Variants in TMOD1 observed in about 807,000 individuals in gnomAD.
TMOD1 encodes the protein tropomodulin 1, also known as tropomodulin-1.
Under a neutral mutation model 40.6 loss-of-function variants are expected in TMOD1, and 17 were observed. The observed-to-expected ratio is 0.42, with a 90% CI of 0.29 to 0.63. TMOD1 has a LOEUF of 0.63. Among genes scored for constraint, TMOD1 ranks in the 20% least tolerant of loss-of-function variants. TMOD1 has a pLI of 0.22. For missense variants in TMOD1, 391 were observed against 447.6 expected (o/e 0.87, Z 1.14); for synonymous variants, 181 against 175.0 (o/e 1.03, Z -0.27).
At chr9:97,539,467 ATT>A (rs1830241915) in intron 2 of TMOD1, among the ~76,000 whole-genome samples, 1 of 152,164 alleles carries the variant, frequency 6.6e-6, no homozygotes, top group Non-Finnish European at 1.5e-5. Context: ...ACCATTTGAA[ATT>A]TGGCCAGCTC....
chr9:97,552,665 C>T lies in TMOD1; in HGVS notation c.278-616C>T, dbSNP rs77479698. Reference sequence around the variant, plus strand: ...TCACACAACATTTGTCCTAGGCATTCTCCTTCTTAGTAAGTAGCAATTGCC... The same window carrying T: ...TCACACAACATTTGTCCTAGGCATTTTCCTTCTTAGTAAGTAGCAATTGCC... On this transcript the variant is annotated intron_variant, in intron 3 of 9. Transcript: ENST00000259365. 5.3e-3 allele frequency among the ~76,000 whole-genome samples: 807 copies of T among 152,324 alleles called. 7 individuals are homozygous for T. The highest frequency in any genetic ancestry group is 0.017 in the African/African-American group (695 of 41,574).
At chr9:97,562,196 T>C (rs1462054238) in intron 4 of TMOD1, among the ~76,000 whole-genome samples, 2 of 152,138 alleles carry the variant, frequency 1.3e-5, no homozygotes, top group Non-Finnish European at 2.9e-5. Flanking sequence ...TGCTTTGTGC[T>C]GCATGCTGGG....
chr9:97,511,546 G>T (rs1302001836), intron 1 of TMOD1, among the ~76,000 whole-genome samples: 1 of 152,112 alleles, frequency 6.6e-6, no homozygotes, highest in Non-Finnish European at 1.5e-5. Context: ...ACTACTTCCC[G>T]GCTTAGCCCA....
Position 97,601,153 on chromosome 9 carries a change from A to G in TMOD1, c.*1455A>G, listed in dbSNP as rs537250805. 3 of 1,302,778 alleles carry G rather than the reference A, an allele frequency of 2.3e-6. No individual in the cohort carries two copies. The Admixed American group carries it at 7.0e-5, about 30-fold the overall frequency. The allele number at this position is 1,302,778 out of a possible 1,614,324, so 80.7% of individuals were successfully genotyped here. ...TGGCCCAGGAGTGGCACCATGTTGC[A>G]GGGACAACCATCCCCATTTGGCTTC... On this transcript the variant is annotated 3_prime_UTR_variant, in exon 10 of 10. Coordinates refer to ENST00000259365, the MANE Select transcript of TMOD1 (RefSeq NM_003275.4).
chr9:97,514,300 T>C (rs547609369), intron 1 of TMOD1, among the ~76,000 whole-genome samples: 1 of 148,212 alleles, frequency 6.7e-6, no homozygotes, highest in African/African-American at 2.5e-5. Flanking sequence ...GTATTTTTAG[T>C]AATGACAGGG....
intron 3 of TMOD1, among the ~76,000 whole-genome samples, chr9:97,552,537 C>T: frequency 6.6e-6 from 1 of 152,204 alleles, no homozygotes; most frequent in East Asian, 1.9e-4. Flanking sequence ...GTGCCTGGCA[C>T]ATAGGAAGCA....
At chr9:97,573,184 G>A (rs1167645278) in intron 8 of TMOD1, among the ~76,000 whole-genome samples, 1 of 152,186 alleles carries the variant, frequency 6.6e-6, no homozygotes, top group African/African-American at 2.4e-5. Context: ...CTCCACACAC[G>A]GCTTCTGTGC....
chr9:97,507,772 G>C (rs1564225809), intron 1 of TMOD1, among the ~76,000 whole-genome samples: 1 of 152,108 alleles, frequency 6.6e-6, no homozygotes, highest in Non-Finnish European at 1.5e-5. Context: ...CAAGGGGAAA[G>C]GGGGGGACAA....
chr9:97,595,568 A>C (rs1270906522), intron 9 of TMOD1, among the ~76,000 whole-genome samples: 1 of 148,342 alleles, frequency 6.7e-6, no homozygotes, highest in Non-Finnish European at 1.5e-5. Flanking sequence ...AAAAGGCTGA[A>C]TCGTACTCCA....
intron 4 of TMOD1, among the ~76,000 whole-genome samples, chr9:97,556,109 T>C (rs576637780): frequency 1.4e-5 from 2 of 140,208 alleles, no homozygotes; most frequent in East Asian, 2.2e-4. Context: ...GAGGAGGGGG[T>C]GTTCTGGAGG....
At position 97,534,502 on chromosome 9, in the gene TMOD1, C is replaced by T. The variant is rs958054279; in HGVS notation, c.120+10194C>T. 3.3e-5 allele frequency among the ~76,000 whole-genome samples: 5 copies of T among 152,228 alleles called. No homozygotes were observed. In the South Asian group the frequency reaches 1.0e-3, roughly 31 times the overall value. On this transcript the variant is annotated intron_variant, in intron 2 of 9. Transcript: ENST00000259365. The stretch of plus-strand genomic sequence containing the variant: ...GACATCTTTCATAATATGTCCCTCT[C>T]CCCAAAACCCAATTGGGGACAGCAG...
chr9:97,568,819 A>T, intron 7 of TMOD1, 75 bp from the exon 8 acceptor site: 1 of 1,561,086 alleles, frequency 6.4e-7, no homozygotes, highest in Non-Finnish European at 8.8e-7. Flanking sequence ...TAGGTGTCTT[A>T]GGATCTACCC....
intron 2 of TMOD1, among the ~76,000 whole-genome samples, chr9:97,540,532 C>T (rs1255767745): frequency 6.6e-6 from 1 of 152,212 alleles, no homozygotes; most frequent in Non-Finnish European, 1.5e-5. Context: ...GTTGGAGGCA[C>T]ACATTCCAGT....
chr9:97,561,263 G>T (rs957452910), intron 4 of TMOD1, among the ~76,000 whole-genome samples: 2 of 152,158 alleles, frequency 1.3e-5, no homozygotes, highest in Admixed American at 1.3e-4. Context: ...AAAGACACCC[G>T]AACTCCTTAC....
In TMOD1 at chr9:97,555,291, G is replaced by T. The variant is rs62560476; in HGVS notation, c.397+1891G>T. 7 of 967,984 alleles carry T rather than the reference G, an allele frequency of 7.2e-6. No homozygotes were observed. In the South Asian group the frequency reaches 2.1e-4, roughly 29 times the overall value. The allele number at this position is 967,984 out of a possible 1,614,324, so 60.0% of individuals were successfully genotyped here. On this transcript the variant is annotated intron_variant, in intron 4 of 9. Transcript: ENST00000259365. ...GGTTAATCTGTGAGGCAGGGAGGTGGCTGATGCCTTGGTGCGGCATCTCCA... is the reference window on the plus strand; with the variant it reads ...GGTTAATCTGTGAGGCAGGGAGGTGTCTGATGCCTTGGTGCGGCATCTCCA...
intron 7 of TMOD1, 36 bp downstream of exon 7, chr9:97,565,991 G>C: frequency 6.3e-7 from 1 of 1,583,398 alleles, no homozygotes; most frequent in South Asian, 1.1e-5. Flanking sequence ...TTGTGGCTGG[G>C]GGCCTTGAAA....
rs141748402 is a variant in TMOD1 at position 97,510,333 on chromosome 9, C to T, written c.-49+8530C>T. Among the ~76,000 whole-genome samples the T allele has an allele frequency of 9.7e-4, 147 of 152,168 alleles. 1 individual carries two copies. The highest frequency in any genetic ancestry group is 3.4e-3 in the African/African-American group (143 of 41,518). On this transcript the variant is annotated intron_variant, in intron 1 of 9. Transcript: ENST00000259365. ...GCAACCTCCACTGCCCAGGTTCAAGCGATTCTTTTGCCTCATCCTCCCGAG... is the reference window on the plus strand; with the variant it reads ...GCAACCTCCACTGCCCAGGTTCAAGTGATTCTTTTGCCTCATCCTCCCGAG...
intron 3 of TMOD1, among the ~76,000 whole-genome samples, chr9:97,551,887 C>G (rs1241207717): frequency 2.0e-5 from 3 of 152,098 alleles, no homozygotes; most frequent in Admixed American, 1.3e-4. Context: ...TTTCATTGTA[C>G]AAGTCTTTCA....
intron 2 of TMOD1, among the ~76,000 whole-genome samples, chr9:97,524,686 C>T (rs549927200): frequency 8.3e-4 from 126 of 152,088 alleles, no homozygotes; most frequent in Admixed American, 1.5e-3. Context: ...ACCAGCAGGC[C>T]GAAGACCCAG....
Sources: allele counts gnomAD v4.1 joint callset (sites outside exome capture counted in the v4.1 genomes callset), GRCh38; gene constraint gnomAD v4.1.1; transcripts MANE v1.5; gene names NCBI Gene and HGNC (gene_info 2026-07-23, HGNC 2026-07-21).